SLC11A1: variants seen among roughly 807,000 people sequenced by gnomAD.
The protein encoded by SLC11A1 is solute carrier family 11 member 1, also known as natural resistance-associated macrophage protein 1.
SLC11A1 carries 59 observed loss-of-function variants against 63.2 expected under a neutral mutation model. The ratio of observed to expected loss-of-function variants is 0.93; its 90% CI spans 0.76 to 1.16. The LOEUF (loss-of-function observed/expected upper bound fraction) is 1.16, where lower values mean the gene tolerates loss of function less well. Ranked by LOEUF, SLC11A1 falls within the 50% of genes most tolerant of loss-of-function variation. SLC11A1 has a pLI of 0.00. For missense variants in SLC11A1, 688 were observed against 730.7 expected (o/e 0.94, Z 0.67); for synonymous variants, 305 against 307.8 (o/e 0.99, Z 0.09).
Position 218,384,174 on chromosome 2 carries a change from G to A in SLC11A1, c.151-69G>A. ...GCCTGTTGGGGCTCCTCTAGGGGAT[G>A]GCCAAGGCCAGCTGCCACCATCCCT... On this transcript the variant is annotated intron_variant, in intron 2 of 14. Coordinates refer to ENST00000233202, the MANE Select transcript of SLC11A1 (RefSeq NM_000578.4). The surrounding 1 kb of genome is among the most constrained non-coding windows in gnomAD (Gnocchi z 4.0). 6.7e-7 allele frequency: 1 copy of A among 1,485,446 alleles called. No homozygotes were observed. Among genetic ancestry groups the A allele is most frequent in the Non-Finnish European group, 9.1e-7 (1 of 1,102,782 alleles). The allele number at this position is 1,485,446 out of a possible 1,614,324, so 92.0% of individuals were successfully genotyped here.
chr2:218,391,964 G>T (rs532286234), intron 11 of SLC11A1, among the ~76,000 whole-genome samples: 2 of 152,266 alleles, frequency 1.3e-5, no homozygotes, highest in South Asian at 4.1e-4. Flanking sequence ...TGCTGTGTTG[G>T]CCAGGCTGGT....
Position 218,385,036 on chromosome 2 carries a change from A to G in SLC11A1, c.274-111A>G, listed in dbSNP as rs1330905325. On this transcript the variant is annotated intron_variant, in intron 3 of 14. Coordinates refer to ENST00000233202, the MANE Select transcript of SLC11A1 (RefSeq NM_000578.4). ...CAGCGCCCAGCCAGGATGGGACTCC[A>G]TCTCTCCCACCCCCTCCCCGAGGAG... 12 of 1,458,716 alleles carry G rather than the reference A, an allele frequency of 8.2e-6. No individual in the cohort carries two copies. The South Asian group carries it at 1.2e-4, about 15-fold the overall frequency. The allele number at this position is 1,458,716 out of a possible 1,614,324, so 90.4% of individuals were successfully genotyped here. A position where few individuals can be genotyped will look rare whatever the true frequency, so the allele number is the denominator to read the frequency against.
chr2:218,390,039 C>T lies in SLC11A1; in HGVS notation c.954+11C>T, dbSNP rs1440247954. On this transcript the variant is annotated intron_variant, in intron 9 of 14. Transcript: ENST00000233202. ...ACCAACCAGGCTGCGGTGAGACACACTTTCCCCCGCACCTGAGGCCACACA... is the reference window on the plus strand; with the variant it reads ...ACCAACCAGGCTGCGGTGAGACACATTTTCCCCCGCACCTGAGGCCACACA... The T allele has an allele frequency of 6.2e-7, 1 of 1,604,298 alleles. No individual in the cohort carries two copies.
In SLC11A1 at chr2:218,387,614, C is replaced by T; in HGVS notation, c.621C>T (p.Ala207=). The change falls in exon 7 of 15, where the codon GCC becomes GCT. Residue 207 remains alanine (A), a synonymous_variant. Transcript: ENST00000233202. ...TTGGACTCCTTATAACCATTATGGC[C>T]TTGACCTTTGGCTATGAGGTAGGAA... ...AFFGLLITIM[A]LTFGYEYVVA... 6.2e-7 allele frequency: 1 copy of T among 1,614,210 alleles called. No individual in the cohort carries two copies. The highest frequency in any genetic ancestry group is 8.5e-7 in the Non-Finnish European group (1 of 1,180,034).
At chr2:218,386,589 C>A in intron 4 of SLC11A1, 46 bp from the exon 5 acceptor site, 1 of 1,383,930 alleles carries the variant, frequency 7.2e-7, no homozygotes, top group Non-Finnish European at 1.0e-6. Flanking sequence ...AGACGACAGG[C>A]AAATAACCGG....
chr2:218,393,052 C>CGTGCTCCCCAAATGG lies in SLC11A1; in HGVS notation c.1242_1243insCCCAAATGGGTGCTC (p.Leu414_Val415insProLysTrpValLeu). 1 of 1,599,948 alleles carries CGTGCTCCCCAAATGG rather than the reference C, an allele frequency of 6.3e-7. No individual in the cohort carries two copies. The highest frequency in any genetic ancestry group is 1.7e-4 in the Middle Eastern group (1 of 6,036). On this transcript the variant is annotated inframe_insertion, in exon 12 of 15. Transcript: ENST00000233202. ...CCCGCTCCTGCGCCATCCTGCCCAC[C>CGTGCTCCCCAAATGG]GTGCTCGTGGCTGTCTTCCGGGACC...
chr2:218,395,366 G>A lies in SLC11A1; in HGVS notation c.*331G>A. The A allele has an allele frequency of 3.8e-6, 1 of 260,630 alleles. No homozygotes were observed. Among genetic ancestry groups the A allele is most frequent in the Non-Finnish European group, 7.4e-6 (1 of 134,306 alleles). The allele number at this position is 260,630 out of a possible 1,614,324, so 16.1% of individuals were successfully genotyped here. ...TGCAGGCGTGACCTGACAGCCCAAGGGTGGGTGGGGTGAGGGCTTGAGGAC... is the reference window on the plus strand; with the variant it reads ...TGCAGGCGTGACCTGACAGCCCAAGAGTGGGTGGGGTGAGGGCTTGAGGAC... On this transcript the variant is annotated 3_prime_UTR_variant, in exon 15 of 15. Transcript: ENST00000233202.
intron 4 of SLC11A1, 30 bp from the exon 5 acceptor site, chr2:218,386,605 C>G: frequency 1.3e-6 from 2 of 1,520,858 alleles, no homozygotes; most frequent in Non-Finnish European, 1.8e-6. Flanking sequence ...ACCGGCCCAC[C>G]CTTAATGAAG....
At chr2:218,387,731 G>A (rs1422292464) in intron 7 of SLC11A1, 69 bp from the exon 8 acceptor site, 3 of 1,611,578 alleles carry the variant, frequency 1.9e-6, no homozygotes, top group African/African-American at 2.7e-5. Context: ...TGGGATGGAG[G>A]CTGAGAAATG....
intron 9 of SLC11A1, 151 bp from the exon 10 acceptor site, chr2:218,391,047 C>G (rs1040339396): frequency 1.5e-5 from 10 of 668,566 alleles, no homozygotes; most frequent in Non-Finnish European, 2.7e-5. Flanking sequence ...CAAAACAAAA[C>G]CCAACTTATT....
At position 218,393,002 on chromosome 2, in the gene SLC11A1, T is replaced by G. The variant is rs1204964198; in HGVS notation, c.1186T>G (p.Ser396Ala). ...VMEGFLRLRW[S>A]RFARVLLTRS... is the part of the protein sequence containing the mutation. ...CCAGGGCTTCCTGAGGCTGCGGTGGTCACGCTTCGCCCGTGTCCTCCTCAC... is the reference window on the plus strand; with the variant it reads ...CCAGGGCTTCCTGAGGCTGCGGTGGGCACGCTTCGCCCGTGTCCTCCTCAC... The change falls in exon 12 of 15, where the codon TCA becomes GCA. Residue 396 changes from serine (S) to alanine (A), a missense_variant. Coordinates refer to ENST00000233202, the MANE Select transcript of SLC11A1 (RefSeq NM_000578.4). The G allele has an allele frequency of 6.3e-7, 1 of 1,592,764 alleles. No individual in the cohort carries two copies. The highest frequency in any genetic ancestry group is 1.7e-5 in the Admixed American group (1 of 57,790).
rs1029038176 is a variant in SLC11A1, at chr2:218,391,693, C to T, written c.1164+198C>T. The T allele has an allele frequency of 3.3e-5, 20 of 608,250 alleles. No individual in the cohort carries two copies. The African/African-American group carries it at 3.6e-4, about 11-fold the overall frequency. 37.7% of individuals were successfully genotyped at this position (608,250 alleles called of 1,614,324 possible). A position where few individuals can be genotyped will look rare whatever the true frequency, so the allele number is the denominator to read the frequency against. ...AGGCTGGAGTGCAGTGGCGCGATCT[C>T]GGCTCACTGCAACCTCCCCCTCCCA... On this transcript the variant is annotated intron_variant, in intron 11 of 14. Coordinates refer to ENST00000233202, the MANE Select transcript of SLC11A1 (RefSeq NM_000578.4).
rs1292812574 is a variant in SLC11A1, at chr2:218,396,305, ACGTTC to A, written c.*1272_*1276del. ...CCCATTCAGGGGCTGCACTTTATAG[ACGTTC>A]CCTAGGCTGTTTCTAGGCTCCCCCA... On this transcript the variant is annotated 3_prime_UTR_variant, in exon 15 of 15. Transcript: ENST00000233202. 6.6e-6 allele frequency: 1 copy of A among 152,262 alleles called. No individual in the cohort carries two copies. Among genetic ancestry groups the A allele is most frequent in the Non-Finnish European group, 1.5e-5 (1 of 68,058 alleles). The allele number at this position is 152,262 out of a possible 1,614,324, so 9.4% of individuals were successfully genotyped here.
Position 218,384,492 on chromosome 2 carries a change from C to T in SLC11A1, c.273+127C>T, listed in dbSNP as rs981310048. 7.6e-6 allele frequency: 9 copies of T among 1,184,396 alleles called. No individual in the cohort carries two copies. Among genetic ancestry groups the T allele is most frequent in the African/African-American group, 4.6e-5 (3 of 65,404 alleles). 73.4% of individuals were successfully genotyped at this position (1,184,396 alleles called of 1,614,324 possible). A position where few individuals can be genotyped will look rare whatever the true frequency, so the allele number is the denominator to read the frequency against. On this transcript the variant is annotated intron_variant, in intron 3 of 14. Transcript: ENST00000233202. This position sits in a 1 kb window ranked among gnomAD's most constrained non-coding sequence, Gnocchi z 4.0. ...AGCTGGTGTTAAGTTCAAATGGGCC[C>T]GAAAAGGGTCCCCAGGGCAGCCCTG...
At chr2:218,392,849 G>C (rs1344064945) in intron 11 of SLC11A1, 132 bp from the exon 12 acceptor site, 1 of 662,982 alleles carries the variant, frequency 1.5e-6, no homozygotes, top group African/African-American at 1.9e-5. Context: ...TAGGGACAGA[G>C]CTGTCCCAGT....
rs1312657632 is a variant in SLC11A1, at chr2:218,385,260, C to T, written c.387C>T (p.Tyr129=). The change falls in exon 4 of 15, where the codon TAC becomes TAT. Residue 129 remains tyrosine, a synonymous_variant. Transcript: ENST00000233202. ...KDLGEVCHLY[Y]PKVPRTVLWL... ...TGGGCGAGGTCTGCCATCTCTACTACCCTAAGGTGAGCTTGGGGGGCCTGG... is the reference window on the plus strand; with the variant it reads ...TGGGCGAGGTCTGCCATCTCTACTATCCTAAGGTGAGCTTGGGGGGCCTGG... 3 of 1,613,916 alleles carry T rather than the reference C, an allele frequency of 1.9e-6. No individual in the cohort carries two copies. The highest frequency in any genetic ancestry group is 2.5e-6 in the Non-Finnish European group (3 of 1,179,806).
intron 8 of SLC11A1, among the ~76,000 whole-genome samples, chr2:218,388,906 G>A (rs1696276881): frequency 6.6e-6 from 1 of 152,158 alleles, no homozygotes. Flanking sequence ...GAGCCCAGGA[G>A]TTCGAGACCA....
intron 8 of SLC11A1, 104 bp from the exon 9 acceptor site, chr2:218,389,766 A>C: frequency 8.2e-7 from 1 of 1,226,950 alleles, no homozygotes; most frequent in Non-Finnish European, 1.1e-6. Context: ...CAGGGGACTT[A>C]AGAAGGTACT....
chr2:218,392,094 C>T (rs972433774), intron 11 of SLC11A1: 10 of 389,470 alleles, frequency 2.6e-5, no homozygotes, highest in African/African-American at 4.5e-5. Context: ...TTTGAGACGG[C>T]GTTTCGCTCT....
Sources: gnomAD v4.1 joint callset for allele counts (sites outside exome capture counted in the v4.1 genomes callset) on GRCh38, gnomAD v4.1.1 for gene constraint, Gnocchi (gnomAD v3.1) non-coding constraint, MANE v1.5 for transcripts, NCBI Gene and HGNC (gene_info 2026-07-23, HGNC 2026-07-21) for gene names.